EFTUD2: variants seen among roughly 807,000 people sequenced by gnomAD.
EFTUD2 encodes elongation factor Tu GTP binding domain containing 2.
A neutral mutation model predicts 114.3 loss-of-function variants in EFTUD2; 9 were observed. The ratio of observed to expected loss-of-function variants is 0.08; its 90% confidence interval spans 0.05 to 0.14. The LOEUF (loss-of-function observed/expected upper bound fraction) is 0.14. EFTUD2 is among the 10% of genes least tolerant of loss of function. The pLI is 1.00. For synonymous variants in EFTUD2, 449 were observed against 462.3 expected, an observed-to-expected ratio of 0.97 and a Z score of 0.37; for missense variants, 765 against 1,241.2, an observed-to-expected ratio of 0.62 and a Z score of 5.76.
chr17:44,867,994 A>G, intron 12 of EFTUD2, 97 bp from the exon 13 acceptor site: 1 of 1,209,900 alleles, frequency 8.3e-7, no homozygotes, highest in Non-Finnish European at 1.1e-6. Flanking sequence ...ACAACAGCCC[A>G]GGGGAGGAAT....
At position 44,855,500 on chromosome 17, in the gene EFTUD2, G is replaced by A. The variant is rs574483687; in HGVS notation, c.2046-496C>T. 5.3e-5 allele frequency among the ~76,000 whole-genome samples: 8 copies of A among 152,154 alleles called. No individual in the cohort carries two copies. In the East Asian group the frequency reaches 1.2e-3, roughly 22 times the overall value. On this transcript the variant is annotated intron_variant, in intron 20 of 27. Transcript: ENST00000426333. ...GGGGAATCACTTGAACCCAGAAGGC[G>A]GAGGTTGCAGTGAGCCGAGATTGTG...
intron 3 of EFTUD2, among the ~76,000 whole-genome samples, chr17:44,886,158 A>G (rs1357350971): frequency 6.6e-6 from 1 of 152,094 alleles, no homozygotes; most frequent in African/African-American, 2.4e-5. Flanking sequence ...TGCTTGAATC[A>G]GGGAGGCGGA....
chr17:44,876,041 A>G lies in EFTUD2; in HGVS notation c.762T>C (p.Thr254=), dbSNP rs2289674. 323,185 of 1,613,850 alleles carry G rather than the reference A, an allele frequency of 0.2. 33,798 individuals are homozygous for G. Among genetic ancestry groups the G allele is most frequent in the African/African-American group, 0.26 (19,568 of 74,940 alleles). Residue 254 remains threonine (T), a synonymous_variant, in exon 10 of 28, where the codon ACT becomes ACC. Coordinates refer to ENST00000426333, the MANE Select transcript of EFTUD2 (RefSeq NM_004247.4). ...GCCGGTCAATCTTGTTGATGCACACAGTGACTGCCAGCCTCTCCTGCACCG... is the reference window on the plus strand; with the variant it reads ...GCCGGTCAATCTTGTTGATGCACACGGTGACTGCCAGCCTCTCCTGCACCG... The part of the protein sequence containing the change: ...KHAVQERLAV[T]VCINKIDRLI...
In EFTUD2 at chr17:44,887,082, G is replaced by C. The variant is rs1437481679; in HGVS notation, c.106-332C>G. Reference sequence around the variant, plus strand: ...CTCCAAAGGCAGAAACCAAAAGCCAGAGGTAAAAACTGAAGATAAGCCCAT... The same window carrying C: ...CTCCAAAGGCAGAAACCAAAAGCCACAGGTAAAAACTGAAGATAAGCCCAT... On this transcript the variant is annotated intron_variant, in intron 2 of 27. Transcript: ENST00000426333. Among the ~76,000 whole-genome samples, 18 of 152,154 alleles carry C rather than the reference G, an allele frequency of 1.2e-4. 1 individual carries two copies. Among genetic ancestry groups the C allele is most frequent in the Admixed American group, 1.2e-3 (18 of 15,274 alleles).
intron 14 of EFTUD2, among the ~76,000 whole-genome samples, chr17:44,864,717 T>C (rs2050715099): frequency 6.6e-6 from 1 of 152,124 alleles, no homozygotes; most frequent in African/African-American, 2.4e-5. Context: ...GGCAGGAAAA[T>C]GTAATTCCTT....
chr17:44,863,852 A>G (rs2050700054), intron 14 of EFTUD2, 70 bp from the exon 15 acceptor site: 4 of 1,579,120 alleles, frequency 2.5e-6, no homozygotes, highest in Non-Finnish European at 8.6e-7. Flanking sequence ...TTACTGAGCC[A>G]TTCACAATGG....
At chr17:44,855,127 G>T (rs945670700) in intron 20 of EFTUD2, 123 bp from the exon 21 acceptor site, 3 of 844,390 alleles carry the variant, frequency 3.6e-6, no homozygotes, top group Non-Finnish European at 6.0e-6. Context: ...CAGGGGCCAA[G>T]CGTGGTGGTT....
chr17:44,893,767 TGGGG>T (rs775875878), intron 2 of EFTUD2, among the ~76,000 whole-genome samples: 1 of 85,474 alleles, frequency 1.2e-5, no homozygotes, highest in Non-Finnish European at 2.3e-5. Flanking sequence ...TAAAAAAAGG[TGGGG>T]GGGGGGGTGG....
intron 18 of EFTUD2, 178 bp downstream of exon 18, chr17:44,859,713 AACACACACACATAC>A (rs927325646): frequency 9.6e-6 from 8 of 836,628 alleles, no homozygotes; most frequent in Non-Finnish European, 1.3e-5. Context: ...GTCTTGTTTT[AACACACACACATAC>A]ACACACACAC....
rs189240355 is a variant in EFTUD2 at position 44,854,898 on chromosome 17, C to A, written c.2132+20G>T. 6.4e-4 allele frequency: 1,032 copies of A among 1,611,998 alleles called. 6 individuals carry two copies. The African/African-American group carries it at 0.013, about 20-fold the overall frequency. ...CATCCCTGCCTCCTTTCGACCCTGG[C>A]GTCAGAGCCCTGTTCTCACCTGTTC... is the stretch of plus-strand genomic sequence containing the variant. On this transcript the variant is annotated intron_variant, in intron 21 of 27. Transcript: ENST00000426333. This position sits in a 1 kb window ranked among gnomAD's most constrained non-coding sequence, Gnocchi z 4.3.
intron 10 of EFTUD2, 62 bp downstream of exon 10, chr17:44,875,872 G>A (rs2050938749): frequency 2.6e-6 from 4 of 1,568,350 alleles, no homozygotes; most frequent in Non-Finnish European, 3.5e-6. Flanking sequence ...GTTCCCAGAG[G>A]TATTCAGGGT....
intron 12 of EFTUD2, 71 bp downstream of exon 12, chr17:44,868,216 G>T: frequency 7.5e-7 from 1 of 1,342,132 alleles, no homozygotes; most frequent in Non-Finnish European, 1.0e-6. Context: ...TGAACTCAGA[G>T]AATTTCACTG....
chr17:44,851,242 T>C lies in EFTUD2; in HGVS notation c.*32A>G. ...CAAGTACAGGAGTTGCAGCCCACTG[T>C]AGGGAGCAGGAGCTCCCAGGAGTCC... On this transcript the variant is annotated 3_prime_UTR_variant, in exon 28 of 28. Transcript: ENST00000426333. 1 of 1,545,190 alleles carries C rather than the reference T, an allele frequency of 6.5e-7. No homozygotes were observed. Among genetic ancestry groups the C allele is most frequent in the Non-Finnish European group, 8.9e-7 (1 of 1,117,590 alleles).
At position 44,867,944 on chromosome 17, in the gene EFTUD2, T is replaced by C. The variant is rs28480558; in HGVS notation, c.1059-47A>G. 1,938 of 1,507,122 alleles carry C rather than the reference T, an allele frequency of 1.3e-3. 19 individuals carry two copies. In the African/African-American group the frequency reaches 0.023, roughly 18 times the overall value. 93.4% of individuals were successfully genotyped at this position (1,507,122 alleles called of 1,614,324 possible). A position where few individuals can be genotyped will look rare whatever the true frequency, so the allele number is the denominator to read the frequency against. On this transcript the variant is annotated intron_variant, in intron 12 of 27. Coordinates refer to ENST00000426333, the MANE Select transcript of EFTUD2 (RefSeq NM_004247.4). Reference sequence around the variant, plus strand: ...GAGTGACCCAGGGGAAAAGGCACTATCACTGATCCCAAGAGGCATTGTCTA... The same window carrying C: ...GAGTGACCCAGGGGAAAAGGCACTACCACTGATCCCAAGAGGCATTGTCTA...
chr17:44,867,770 A>C, intron 13 of EFTUD2, 37 bp downstream of exon 13: 1 of 1,486,192 alleles, frequency 6.7e-7, no homozygotes, highest in East Asian at 2.4e-5. Flanking sequence ...CTGTGCTTAT[A>C]AGAGCAGATC....
In EFTUD2 at chr17:44,854,325, T is replaced by C; in HGVS notation, c.2291A>G (p.Asp764Gly). The C allele has an allele frequency of 1.2e-6, 2 of 1,614,036 alleles. No homozygotes were observed. Among genetic ancestry groups the C allele is most frequent in the Non-Finnish European group, 1.7e-6 (2 of 1,179,966 alleles). The change falls in exon 23 of 28, where the codon GAC (aspartate) becomes GGC (glycine). Residue 764 changes from aspartate to glycine, a missense_variant. Physicochemically the swap from Asp to Gly is moderately conservative, Grantham distance 94. This residue lies in a region of EFTUD2 where 166 missense variants were observed against 401.5 expected (regional missense o/e 0.41). Coordinates refer to ENST00000426333, the MANE Select transcript of EFTUD2 (RefSeq NM_004247.4). The surrounding 1 kb of genome is among the most constrained non-coding windows in gnomAD (Gnocchi z 4.3). ...VDKALLGSVK[D>G]SIVQGFQWGT... ...CCACTGGAAACCTTGAACGATGCTG[T>C]CCTTCACTGAACCAAGAAGAGCCTT...
At chr17:44,885,459 G>T in intron 3 of EFTUD2, 125 bp from the exon 4 acceptor site, 1 of 731,268 alleles carries the variant, frequency 1.4e-6, no homozygotes. Context: ...TTACTCTCAA[G>T]GATCACTCAT....
At chr17:44,858,262 G>A (rs1567732024) in intron 19 of EFTUD2, among the ~76,000 whole-genome samples, 1 of 151,862 alleles carries the variant, frequency 6.6e-6, no homozygotes, top group African/African-American at 2.4e-5. Context: ...TTGAGACAGG[G>A]TCTTGCTCTG....
chr17:44,891,375 G>A (rs1284613793), intron 2 of EFTUD2, among the ~76,000 whole-genome samples: 2 of 152,086 alleles, frequency 1.3e-5, no homozygotes, highest in African/African-American at 4.8e-5. Context: ...ACCTTCATAG[G>A]GTCTCACTCT....
Sources: gnomAD v4.1 joint callset for allele counts (sites outside exome capture counted in the v4.1 genomes callset) on GRCh38, gnomAD v4.1.1 for gene constraint, gnomAD v4.1.1 regional missense constraint, Gnocchi (gnomAD v3.1) non-coding constraint, MANE v1.5 for transcripts, NCBI Gene and HGNC (gene_info 2026-07-23, HGNC 2026-07-21) for gene names.